Variants in SCFD1 observed in about 807,000 individuals in gnomAD.
SCFD1 encodes sec1 family domain-containing protein 1.
In SCFD1, 37 loss-of-function variants were observed where a neutral mutation model predicts 103.2. The observed-to-expected ratio is 0.36, with a 90% CI of 0.28 to 0.47. The LOEUF (loss-of-function observed/expected upper bound fraction) is 0.47, where lower values mean the gene tolerates loss of function less well. SCFD1 is among the 20% of genes least tolerant of loss of function. SCFD1 has a pLI of 1.00. For synonymous variants in SCFD1, 264 were observed against 245.0 expected (o/e 1.08, Z -0.73); for missense variants, 639 against 761.2 (o/e 0.84, Z 1.89).
chr14:30,701,806 G>T (rs1266746674), intron 16 of SCFD1, among the ~76,000 whole-genome samples: 1 of 151,150 alleles, frequency 6.6e-6, no homozygotes, highest in Non-Finnish European at 1.5e-5. Context: ...GAGTAAGGAA[G>T]AGTGAAAAAA....
intron 3 of SCFD1, 75 bp from the exon 4 acceptor site, chr14:30,633,872 T>C: frequency 1.3e-6 from 1 of 772,720 alleles, no homozygotes; most frequent in East Asian, 2.8e-5. Context: ...CTTGAGCTAG[T>C]GAACTCCCAT....
chr14:30,704,314 C>T (rs928955820), intron 17 of SCFD1, among the ~76,000 whole-genome samples: 1 of 152,078 alleles, frequency 6.6e-6, no homozygotes, highest in Non-Finnish European at 1.5e-5. Context: ...GCTAGGACTA[C>T]AGGTGTGCAC....
chr14:30,656,089 TG>T (rs1886870865), intron 10 of SCFD1, among the ~76,000 whole-genome samples: 1 of 151,180 alleles, frequency 6.6e-6, no homozygotes, highest in Admixed American at 6.6e-5. Context: ...TCCTCCAGCC[TG>T]GGTAACAGAG....
intron 14 of SCFD1, among the ~76,000 whole-genome samples, chr14:30,692,117 A>G (rs142519217): frequency 1.3e-3 from 193 of 152,148 alleles, no homozygotes; most frequent in Admixed American, 2.5e-3. Flanking sequence ...GTCACAAAAT[A>G]CTAGATTCTT....
intron 18 of SCFD1, among the ~76,000 whole-genome samples, chr14:30,706,354 T>C (rs967404118): frequency 6.6e-6 from 1 of 152,222 alleles, no homozygotes; most frequent in Non-Finnish European, 1.5e-5. Context: ...GCTGAAATGA[T>C]ATACACCTAA....
chr14:30,657,652 CTAT>C (rs1384243379), intron 10 of SCFD1, among the ~76,000 whole-genome samples: 1 of 152,072 alleles, frequency 6.6e-6, no homozygotes, highest in African/African-American at 2.4e-5. Context: ...TATGAACAAA[CTAT>C]AACTGAGATG....
chr14:30,721,230 C>G (rs558099825), intron 21 of SCFD1, among the ~76,000 whole-genome samples: 15 of 152,206 alleles, frequency 9.9e-5, no homozygotes, highest in African/African-American at 3.6e-4. Flanking sequence ...TGATAGCCCT[C>G]TTTTCTCAGT....
At chr14:30,720,222 T>G (rs1172941338) in intron 21 of SCFD1, among the ~76,000 whole-genome samples, 1 of 152,170 alleles carries the variant, frequency 6.6e-6, no homozygotes, top group African/African-American at 2.4e-5. Flanking sequence ...GCATAAGAAC[T>G]GCCAATAGCA....
chr14:30,652,566 C>T (rs1260668614), intron 9 of SCFD1, among the ~76,000 whole-genome samples: 1 of 152,132 alleles, frequency 6.6e-6, no homozygotes, highest in Non-Finnish European at 1.5e-5. Flanking sequence ...TTATAAGCTC[C>T]TACTCTTTGT....
chr14:30,622,441 C>A, intron 1 of SCFD1, 42 bp downstream of exon 1: 1 of 1,548,300 alleles, frequency 6.5e-7, no homozygotes, highest in Non-Finnish European at 8.7e-7. Flanking sequence ...CGTGACTGCC[C>A]CGACGACATC....
chr14:30,668,787 GAC>G (rs1336749809), intron 10 of SCFD1, among the ~76,000 whole-genome samples: 2 of 152,044 alleles, frequency 1.3e-5, no homozygotes, highest in Non-Finnish European at 2.9e-5. Flanking sequence ...GCAGCCAAAA[GAC>G]ACATGAAAAA....
chr14:30,735,669 A>AAGTT lies in SCFD1; in HGVS notation c.*63_*66dup, dbSNP rs1457419096. 6 of 1,228,240 alleles carry AAGTT rather than the reference A, an allele frequency of 4.9e-6. No homozygotes were observed. The highest frequency in any genetic ancestry group is 3.0e-5 in the African/African-American group (2 of 65,586). The allele number at this position is 1,228,240 out of a possible 1,614,324, so 76.1% of individuals were successfully genotyped here. On this transcript the variant is annotated 3_prime_UTR_variant, in exon 25 of 25. Coordinates refer to ENST00000458591, the MANE Select transcript of SCFD1 (RefSeq NM_016106.4). ...ATGTGGATAAATGTAAAAAGAAGAAAAGTTAGAAGAGCAATATGTTTCCTT... is the reference window on the plus strand; with the variant it reads ...ATGTGGATAAATGTAAAAAGAAGAAAAGTTAGTTAGAAGAGCAATATGTTTCCTT...
At chr14:30,724,062 A>G (rs1484256183) in intron 23 of SCFD1, among the ~76,000 whole-genome samples, 1 of 116,934 alleles carries the variant, frequency 8.6e-6, no homozygotes, top group Non-Finnish European at 1.7e-5. Flanking sequence ...CCAAAACCTC[A>G]CCAGTATCTT....
In SCFD1 at chr14:30,670,301, GA is replaced by G; in HGVS notation, c.905del (p.Asn302ThrfsTer18). On this transcript the variant is annotated frameshift_variant, in exon 11 of 25. Coordinates refer to ENST00000458591, the MANE Select transcript of SCFD1 (RefSeq NM_016106.4). LOFTEE classifies it high-confidence loss of function. ...TAATTTGGAAGAATCTTCAGGAGTGGAAAACTCTCCAGCTGGTGCTAGACCA... is the reference window on the plus strand; with the variant it reads ...TAATTTGGAAGAATCTTCAGGAGTGGAAACTCTCCAGCTGGTGCTAGACCA... ...RVNLEESSGV[E>X]NSPAGARPKR... is the part of the protein sequence containing the mutation. The G allele has an allele frequency of 6.3e-7, 1 of 1,597,122 alleles. No individual in the cohort carries two copies. The highest frequency in any genetic ancestry group is 8.5e-7 in the Non-Finnish European group (1 of 1,173,378).
At chr14:30,679,929 T>G (rs1889340442) in intron 14 of SCFD1, among the ~76,000 whole-genome samples, 1 of 152,188 alleles carries the variant, frequency 6.6e-6, no homozygotes, top group South Asian at 2.1e-4. Flanking sequence ...GGATGAGCTA[T>G]CACTTGTCTT....
chr14:30,706,831 A>T (rs982820711), intron 18 of SCFD1, among the ~76,000 whole-genome samples: 2 of 152,194 alleles, frequency 1.3e-5, no homozygotes, highest in African/African-American at 4.8e-5. Flanking sequence ...GTTTTAATGA[A>T]ATAATTTCCA....
At chr14:30,710,459 T>C (rs1287861437) in intron 19 of SCFD1, among the ~76,000 whole-genome samples, 1 of 151,922 alleles carries the variant, frequency 6.6e-6, no homozygotes, top group Non-Finnish European at 1.5e-5. Context: ...AATGTAGTCT[T>C]TTTTTTGTTG....
intron 14 of SCFD1, among the ~76,000 whole-genome samples, chr14:30,684,345 T>C (rs1300962147): frequency 1.3e-5 from 2 of 152,202 alleles, no homozygotes; most frequent in Non-Finnish European, 2.9e-5. Flanking sequence ...TATTCCCTTT[T>C]GGTGAGAGAA....
At chr14:30,699,959 A>G (rs759559870) in intron 15 of SCFD1, among the ~76,000 whole-genome samples, 3 of 152,206 alleles carry the variant, frequency 2.0e-5, no homozygotes, top group African/African-American at 7.2e-5. Context: ...GGAAGATACA[A>G]TAGAGATGCT....
Sources: allele counts gnomAD v4.1 joint callset (sites outside exome capture counted in the v4.1 genomes callset), GRCh38; gene constraint gnomAD v4.1.1; transcripts MANE v1.5; gene names NCBI Gene and HGNC (gene_info 2026-07-23, HGNC 2026-07-21).